Variants in CTBP2 observed in about 807,000 individuals in gnomAD.
CTBP2 encodes the protein C-terminal binding protein 2.
Under a neutral mutation model 80.3 loss-of-function variants are expected in CTBP2, and 30 were observed. That is an observed-to-expected ratio of 0.37 (90% CI 0.28 to 0.51). The LOEUF (loss-of-function observed/expected upper bound fraction) is 0.51. Ranked by LOEUF, CTBP2 falls within the 20% of genes least tolerant of loss-of-function variation. The pLI, the probability that CTBP2 is intolerant of heterozygous loss-of-function variation, is 0.93. For missense variants in CTBP2, 1,212 were observed against 1,375.3 expected, an observed-to-expected ratio of 0.88 and a Z score of 1.88; for synonymous variants, 594 against 587.4, an observed-to-expected ratio of 1.01 and a Z score of -0.16.
intron 8 of CTBP2, among the ~76,000 whole-genome samples, chr10:124,991,899 G>GGA: frequency 9.8e-6 from 1 of 102,306 alleles, no homozygotes; most frequent in South Asian, 3.4e-4. Flanking sequence ...ATAATGGGGG[G>GGA]GGGGGTGTGG....
intron 2 of CTBP2, among the ~76,000 whole-genome samples, chr10:125,063,551 G>A (rs1374738951): frequency 1.3e-5 from 2 of 152,184 alleles, no homozygotes; most frequent in Non-Finnish European, 2.9e-5. Context: ...CAAAACCGAA[G>A]TAAAATGCTC....
chr10:125,137,385 C>T (rs1857134125), intron 1 of CTBP2, among the ~76,000 whole-genome samples: 1 of 152,182 alleles, frequency 6.6e-6, no homozygotes, highest in African/African-American at 2.4e-5. Flanking sequence ...CTGAATATCC[C>T]AGCTCCTCTG....
At chr10:125,005,870 C>T (rs1955176607) in intron 1 of CTBP2, 2 of 1,555,994 alleles carry the variant, frequency 1.3e-6, no homozygotes, top group Non-Finnish European at 1.7e-6. Flanking sequence ...GGGGTGCTGG[C>T]AGGATGGTTA....
chr10:125,015,284 C>T (rs1393637051), intron 1 of CTBP2, among the ~76,000 whole-genome samples: 1 of 152,248 alleles, frequency 6.6e-6, no homozygotes, highest in Non-Finnish European at 1.5e-5. Flanking sequence ...GTCATCCCCA[C>T]CCAAGCAAGG....
intron 1 of CTBP2, among the ~76,000 whole-genome samples, chr10:125,150,574 A>T (rs1178796979): frequency 6.6e-6 from 1 of 151,940 alleles, no homozygotes; most frequent in Non-Finnish European, 1.5e-5. Flanking sequence ...AGTTGGTAGT[A>T]ACTAGCCAGA....
At chr10:125,017,211 G>A (rs1268609771) in intron 1 of CTBP2, among the ~76,000 whole-genome samples, 1 of 152,228 alleles carries the variant, frequency 6.6e-6, no homozygotes, top group Non-Finnish European at 1.5e-5. Flanking sequence ...TGACACGCAG[G>A]AGGCTGTCGA....
intron 3 of CTBP2, among the ~76,000 whole-genome samples, chr10:125,033,663 G>T (rs550638232): frequency 1.3e-5 from 2 of 152,122 alleles, no homozygotes; most frequent in Non-Finnish European, 2.9e-5. Flanking sequence ...CGGAGACTAC[G>T]GATGCACTGT....
intron 1 of CTBP2, among the ~76,000 whole-genome samples, chr10:125,022,033 C>T (rs531642356): frequency 1.7e-4 from 26 of 152,344 alleles, no homozygotes; most frequent in African/African-American, 5.3e-4. Context: ...AGAAAAGAGA[C>T]GCCACAGGGA....
chr10:125,070,634 T>C (rs981464748), intron 2 of CTBP2, among the ~76,000 whole-genome samples: 4 of 151,368 alleles, frequency 2.6e-5, no homozygotes, highest in African/African-American at 7.3e-5. Context: ...ATATGAAATC[T>C]GTATTATCAT....
intron 1 of CTBP2, among the ~76,000 whole-genome samples, chr10:125,136,676 C>A (rs1376043039): frequency 2.0e-5 from 3 of 152,242 alleles, no homozygotes; most frequent in Non-Finnish European, 4.4e-5. Flanking sequence ...CTAAAACAAA[C>A]CCTTGCAGAG....
intron 3 of CTBP2, among the ~76,000 whole-genome samples, chr10:125,036,441 A>C (rs1411089425): frequency 6.6e-6 from 1 of 152,104 alleles, no homozygotes; most frequent in Non-Finnish European, 1.5e-5. Context: ...AGTTCCTACA[A>C]GCCTGGGAGC....
At position 125,046,763 on chromosome 10, in the gene CTBP2, G is replaced by A. The variant is rs145878120; in HGVS notation, c.-101-7608C>T. On this transcript the variant is annotated intron_variant, in intron 2 of 10. Transcript: ENST00000337195. ...GTGCTAGGAGAGGGCACACTATGAG[G>A]CTCTGGGCTGCCACACAGAAGGAGG... is the stretch of plus-strand genomic sequence containing the variant. Among the ~76,000 whole-genome samples, 601 of 152,306 alleles carry A rather than the reference G, an allele frequency of 3.9e-3. 3 individuals carry two copies. Among genetic ancestry groups the A allele is most frequent in the African/African-American group, 0.014 (575 of 41,574 alleles).
chr10:125,060,325 C>A (rs1293370979), intron 2 of CTBP2, among the ~76,000 whole-genome samples: 1 of 152,222 alleles, frequency 6.6e-6, no homozygotes, highest in African/African-American at 2.4e-5. Flanking sequence ...ATACTATTTG[C>A]CACCTTGTCT....
At chr10:125,123,500 A>C (rs1450192966) in intron 1 of CTBP2, among the ~76,000 whole-genome samples, 12 of 152,184 alleles carry the variant, frequency 7.9e-5, no homozygotes, top group Admixed American at 7.9e-4. Flanking sequence ...ACTTCAAAAT[A>C]AGTTTAATTT....
intron 2 of CTBP2, among the ~76,000 whole-genome samples, chr10:125,098,750 C>CAGAGAGACAGAGAGAGAGAG (rs1850104878): frequency 7.9e-5 from 6 of 75,480 alleles, no homozygotes; most frequent in African/African-American, 4.0e-4. Flanking sequence ...GAGAGAGAGA[C>CAGAGAGACAGAGAGAGAGAG]AGAGAGAGAG....
At chr10:125,071,406 C>T (rs1320252238) in intron 2 of CTBP2, among the ~76,000 whole-genome samples, 2 of 152,184 alleles carry the variant, frequency 1.3e-5, no homozygotes, top group African/African-American at 4.8e-5. Flanking sequence ...GCAGCAAAGC[C>T]GGCTAACAAA....
chr10:125,090,372 G>A (rs1590699707), intron 2 of CTBP2, among the ~76,000 whole-genome samples: 1 of 146,208 alleles, frequency 6.8e-6, no homozygotes, highest in Middle Eastern at 3.3e-3. Context: ...AACTGAATAT[G>A]TATCATAAAC....
intron 1 of CTBP2, among the ~76,000 whole-genome samples, chr10:125,129,704 T>C (rs189637917): frequency 3.3e-5 from 5 of 152,262 alleles, no homozygotes; most frequent in African/African-American, 1.2e-4. Flanking sequence ...GGGAACATTT[T>C]ATTCAGAGCG....
chr10:125,057,343 T>C (rs909971821), intron 2 of CTBP2, among the ~76,000 whole-genome samples: 3 of 152,164 alleles, frequency 2.0e-5, no homozygotes, highest in Admixed American at 6.5e-5. Flanking sequence ...GACACACACA[T>C]GGCTTAACTT....
Sources: gnomAD v4.1 joint callset for allele counts (sites outside exome capture counted in the v4.1 genomes callset) on GRCh38, gnomAD v4.1.1 for gene constraint, MANE v1.5 for transcripts, NCBI Gene and HGNC (gene_info 2026-07-23, HGNC 2026-07-21) for gene names.